LPIN1: variants seen among roughly 807,000 people sequenced by gnomAD.
The protein encoded by LPIN1 is lipin 1.
Under a neutral mutation model 107.5 loss-of-function variants are expected in LPIN1, and 71 were observed. The observed-to-expected ratio is 0.66, with a 90% CI of 0.55 to 0.80. The LOEUF is 0.80. LPIN1 is among the 30% of genes least tolerant of loss of function. LPIN1 has a pLI of 0.00. For missense variants in LPIN1, 1,043 were observed against 1,160.6 expected, an observed-to-expected ratio of 0.90 and a Z score of 1.47; for synonymous variants, 445 against 452.6, an observed-to-expected ratio of 0.98 and a Z score of 0.21.
chr2:11,784,637 G>A (rs2148660276), intron 9 of LPIN1: 1 of 574,354 alleles, frequency 1.7e-6, no homozygotes, highest in Non-Finnish European at 3.1e-6. Context: ...AGGACAGCTT[G>A]CTTCTTCTTC....
intron 3 of LPIN1, among the ~76,000 whole-genome samples, chr2:11,770,609 T>C (rs1251931781): frequency 6.6e-6 from 1 of 152,244 alleles, no homozygotes; most frequent in East Asian, 1.9e-4. Flanking sequence ...ATTTGAATGA[T>C]CAGCAGCACA....
intron 1 of LPIN1, chr2:11,764,076 G>GTATATATA (rs755597832): frequency 4.5e-4 from 26 of 57,650 alleles, no homozygotes; most frequent in African/African-American, 2.2e-3. Context: ...GTGTGTGTGT[G>GTATATATA]TGTATATATA....
intron 1 of LPIN1, among the ~76,000 whole-genome samples, chr2:11,690,704 T>A (rs1285697669): frequency 6.6e-6 from 1 of 152,198 alleles, no homozygotes; most frequent in Non-Finnish European, 1.5e-5. Context: ...ACTTCATTAA[T>A]TCTCTCTTTT....
At chr2:11,759,037 C>T (rs1669102440) in intron 1 of LPIN1, among the ~76,000 whole-genome samples, 1 of 152,234 alleles carries the variant, frequency 6.6e-6, no homozygotes, top group Non-Finnish European at 1.5e-5. Flanking sequence ...CCTTGCAGGT[C>T]ACTCAGGCCA....
chr2:11,800,835 A>G (rs922893678), intron 14 of LPIN1, among the ~76,000 whole-genome samples: 4 of 152,126 alleles, frequency 2.6e-5, no homozygotes, highest in African/African-American at 9.7e-5. Flanking sequence ...AAATGGGATG[A>G]TTGGTTTCTC....
At chr2:11,804,930 G>A (rs942668264) in intron 16 of LPIN1, 140 bp from the exon 17 acceptor site, 1 of 681,956 alleles carries the variant, frequency 1.5e-6, no homozygotes, top group Non-Finnish European at 2.6e-6. Context: ...CAACTTTGAT[G>A]ACTTGAGCCT....
chr2:11,715,379 C>T (rs73917104), intron 2 of LPIN1, among the ~76,000 whole-genome samples: 4,904 of 152,182 alleles, frequency 0.032, 259 homozygotes, highest in African/African-American at 0.11. Context: ...GAGCTCAGGA[C>T]GGGAGGCGCC....
chr2:11,730,087 TCTC>T (rs1484189007), intron 1 of LPIN1, among the ~76,000 whole-genome samples: 2 of 152,274 alleles, frequency 1.3e-5, no homozygotes, highest in South Asian at 2.1e-4. Context: ...CTCTTTCTCT[TCTC>T]CTCCTTAGAT....
intron 1 of LPIN1, among the ~76,000 whole-genome samples, chr2:11,724,824 G>T (rs143067368): frequency 2.4e-3 from 360 of 152,314 alleles, no homozygotes; most frequent in Non-Finnish European, 3.7e-3. Flanking sequence ...TTGCTGGTTC[G>T]CTCTGGGCTT....
At chr2:11,775,414 G>A (rs552479891) in intron 5 of LPIN1, among the ~76,000 whole-genome samples, 2 of 152,350 alleles carry the variant, frequency 1.3e-5, no homozygotes, top group African/African-American at 4.8e-5. Flanking sequence ...CTCTGAGCGT[G>A]TTTAATGCTC....
intron 12 of LPIN1, 109 bp from the exon 13 acceptor site, chr2:11,791,805 A>G (rs1572858680): frequency 6.6e-7 from 1 of 1,507,122 alleles, no homozygotes; most frequent in East Asian, 2.6e-5. Context: ...GTTTTCTCTG[A>G]TTTTTTTTTA....
intron 17 of LPIN1, among the ~76,000 whole-genome samples, chr2:11,808,767 G>C (rs962310413): frequency 6.6e-6 from 1 of 151,732 alleles, no homozygotes; most frequent in African/African-American, 2.4e-5. Flanking sequence ...CCAGCTGCTC[G>C]GGAGGCTGAG....
At chr2:11,695,607 G>T (rs1572333180) in intron 1 of LPIN1, among the ~76,000 whole-genome samples, 1 of 152,222 alleles carries the variant, frequency 6.6e-6, no homozygotes, top group African/African-American at 2.4e-5. Context: ...AAGCAGAGGG[G>T]ATCTCCCTAT....
Position 11,697,867 on chromosome 2 carries a change from C to A in LPIN1, c.82-15889C>A, listed in dbSNP as rs1194466123. ...CGCACATTACATGGAAGCGAGTGTG[C>A]TCAGAAATGCAGGTTCTCCCGAGGG... On this transcript the variant is annotated intron_variant, in intron 1 of 21. Transcript: ENST00000449576. This position sits in a 1 kb window ranked among gnomAD's most constrained non-coding sequence, Gnocchi z 4.6. Among the ~76,000 whole-genome samples the A allele has an allele frequency of 6.6e-6, 1 of 152,104 alleles. No individual in the cohort carries two copies. Among genetic ancestry groups the A allele is most frequent in the Non-Finnish European group, 1.5e-5 (1 of 68,018 alleles).
chr2:11,791,866 T>C (rs1330890992), intron 12 of LPIN1, 48 bp from the exon 13 acceptor site: 39 of 1,604,100 alleles, frequency 2.4e-5, no homozygotes, highest in Non-Finnish European at 3.2e-5. Context: ...ATGTGCTAAG[T>C]TGATCTTTTT....
chr2:11,714,590 G>A (rs992016498), intron 2 of LPIN1, among the ~76,000 whole-genome samples: 6 of 152,182 alleles, frequency 3.9e-5, no homozygotes, highest in Non-Finnish European at 5.9e-5. Flanking sequence ...AGCTTCAGGG[G>A]CATCATGTAA....
At chr2:11,740,213 C>T (rs970188401) in intron 1 of LPIN1, among the ~76,000 whole-genome samples, 3 of 152,130 alleles carry the variant, frequency 2.0e-5, no homozygotes, top group Non-Finnish European at 4.4e-5. Flanking sequence ...CCCTTTTGTT[C>T]TATTGAGGAA....
intron 17 of LPIN1, among the ~76,000 whole-genome samples, chr2:11,812,300 C>T (rs1386494783): frequency 1.3e-5 from 2 of 152,192 alleles, no homozygotes; most frequent in Non-Finnish European, 2.9e-5. Flanking sequence ...AGTCCCTGTC[C>T]TCATGGAGTT....
At position 11,804,982 on chromosome 2, in the gene LPIN1, G is replaced by GT. The variant is rs372751097; in HGVS notation, c.2163-72dup. 0.11 allele frequency: 75,489 copies of GT among 664,044 alleles called. 24 individuals carry two copies. Among genetic ancestry groups the GT allele is most frequent in the South Asian group, 0.15 (8,635 of 56,398 alleles). 41.1% of individuals were successfully genotyped at this position (664,044 alleles called of 1,614,324 possible). On this transcript the variant is annotated intron_variant, in intron 16 of 20. Transcript: ENST00000674199. ...AAAGAAAGTTGTGGGTCTTGTTTGT[G>GT]TTTTTTTTTTTTTTTTATGAGGCAT...
Sources: allele counts gnomAD v4.1 joint callset (sites outside exome capture counted in the v4.1 genomes callset), GRCh38; gene constraint gnomAD v4.1.1; non-coding constraint Gnocchi (gnomAD v3.1); transcripts MANE v1.5; gene names NCBI Gene and HGNC (gene_info 2026-07-23, HGNC 2026-07-21).